The following NOL11 variants were observed in gnomAD, a reference collection of about 807,000 sequenced individuals.
The protein encoded by NOL11 is nucleolar protein 11.
Under a neutral mutation model 93.0 loss-of-function variants are expected in NOL11, and 42 were observed. The ratio of observed to expected loss-of-function variants is 0.45; its 90% CI spans 0.35 to 0.58. The LOEUF is 0.58. NOL11 is among the 20% of genes least tolerant of loss of function. NOL11 has a pLI of 0.00. For synonymous variants in NOL11, 296 were observed against 293.7 expected (o/e 1.01, Z -0.08); for missense variants, 775 against 841.8 (o/e 0.92, Z 0.98).
In NOL11 at chr17:67,734,409, A is replaced by G. The variant is rs779422502; in HGVS notation, c.900A>G (p.Ser300=). Residue 300 remains serine (S), a synonymous_variant, in exon 8 of 18, where the codon TCA becomes TCG. Transcript: ENST00000253247. ...WNIKFQTLQT[S]KELPQGTSGQ... Reference sequence around the variant, plus strand: ...TAAAATTTCAAACACTACAGACTTCAAAAGAGTTACCACAAGGGACCAGTG... The same window carrying G: ...TAAAATTTCAAACACTACAGACTTCGAAAGAGTTACCACAAGGGACCAGTG... 1.2e-6 allele frequency: 2 copies of G among 1,608,102 alleles called. No homozygotes were observed. The highest frequency in any genetic ancestry group is 8.5e-7 in the Non-Finnish European group (1 of 1,174,908).
chr17:67,724,742 C>A (rs2055073162), intron 6 of NOL11, among the ~76,000 whole-genome samples: 1 of 152,198 alleles, frequency 6.6e-6, no homozygotes, highest in South Asian at 2.1e-4. Flanking sequence ...TCTAACATTG[C>A]TTCTTTATAT....
In NOL11 at chr17:67,722,892, A is replaced by G. The variant is rs191756325; in HGVS notation, c.519+255A>G. Among the ~76,000 whole-genome samples, 21 of 150,652 alleles carry G rather than the reference A, an allele frequency of 1.4e-4. 2 individuals carry two copies. The highest frequency in any genetic ancestry group is 1.3e-3 in the Admixed American group (19 of 15,100). On this transcript the variant is annotated intron_variant, in intron 5 of 17. Transcript: ENST00000253247. ...TTTTGTAGAGACAGGGTCTCACTGT[A>G]TTGCTCAGGCTGGTCTCGAACTCCT... is the stretch of plus-strand genomic sequence containing the variant.
chr17:67,721,313 A>G (rs2043216076), intron 3 of NOL11, 65 bp from the exon 4 acceptor site: 2 of 1,031,298 alleles, frequency 1.9e-6, no homozygotes, highest in Non-Finnish European at 1.4e-6. Context: ...AGCCTTCTCT[A>G]AATATCCTTA....
chr17:67,724,247 G>A, intron 6 of NOL11, 54 bp downstream of exon 6: 1 of 1,073,004 alleles, frequency 9.3e-7, no homozygotes, highest in Non-Finnish European at 1.3e-6. Flanking sequence ...ATTGTTATAG[G>A]ATAGTGTATG....
At chr17:67,734,610 C>G (rs938796295) in intron 8 of NOL11, among the ~76,000 whole-genome samples, 171 bp downstream of exon 8, 1 of 152,166 alleles carries the variant, frequency 6.6e-6, no homozygotes, top group Non-Finnish European at 1.5e-5. Context: ...AATAAATATG[C>G]TGTAAGGGAA....
chr17:67,730,173 A>G (rs2055139267), intron 7 of NOL11, among the ~76,000 whole-genome samples: 1 of 152,060 alleles, frequency 6.6e-6, no homozygotes, highest in East Asian at 1.9e-4. Context: ...TATTTTAGCT[A>G]TTTCCACCTT....
In NOL11 at chr17:67,718,043, C is replaced by G. The variant is rs1225970197; in HGVS notation, c.96C>G (p.Asp32Glu). Residue 32 changes from aspartate to glutamate, a missense_variant, in exon 1 of 18, where the codon GAC (aspartate) becomes GAG (glutamate). Physicochemically the swap from Asp to Glu is conservative, Grantham distance 45. Coordinates refer to ENST00000253247, the MANE Select transcript of NOL11 (RefSeq NM_015462.5). ...GCGTGGAGCAGAGCGACAAAACAGA[C>G]CAGTTTCTAGTGACAGACAGCGGCA... ...LLGVEQSDKT[D>E]QFLVTDSGRT... 1 of 1,614,206 alleles carries G rather than the reference C, an allele frequency of 6.2e-7. No individual in the cohort carries two copies. Among genetic ancestry groups the G allele is most frequent in the East Asian group, 2.2e-5 (1 of 44,884 alleles).
chr17:67,727,540 C>G (rs1179326006), intron 7 of NOL11, among the ~76,000 whole-genome samples: 2 of 152,100 alleles, frequency 1.3e-5, no homozygotes. Context: ...GCCTGTAATC[C>G]CAGCTACTCA....
At chr17:67,739,133 C>T (rs943040478) in intron 15 of NOL11, 123 bp downstream of exon 15, 2 of 733,940 alleles carry the variant, frequency 2.7e-6, no homozygotes, top group African/African-American at 3.5e-5. Context: ...AGAGGTTGCC[C>T]AGCTCTAATG....
Position 67,724,091 on chromosome 17 carries a change from A to G in NOL11, c.562A>G (p.Ile188Val), listed in dbSNP as rs1378027848. Reference sequence around the variant, plus strand: ...TTACGTGCAAATGTTTAACTCACGTATCTTAACCAAATATACACTCTTACT... The same window carrying G: ...TTACGTGCAAATGTTTAACTCACGTGTCTTAACCAAATATACACTCTTACT... ...FAYVQMFNSRILTKYTLLLGQ... is the reference protein window; with the variant it reads ...FAYVQMFNSRVLTKYTLLLGQ... Residue 188 changes from isoleucine to valine, a missense_variant, in exon 6 of 18, where the codon ATC (isoleucine) becomes GTC (valine). By Grantham distance (29) the Ile-to-Val change is conservative (BLOSUM62 3). Coordinates refer to ENST00000253247, the MANE Select transcript of NOL11 (RefSeq NM_015462.5). 1 of 1,584,880 alleles carries G rather than the reference A, an allele frequency of 6.3e-7. No individual in the cohort carries two copies. Among genetic ancestry groups the G allele is most frequent in the Admixed American group, 1.9e-5 (1 of 52,904 alleles).
intron 3 of NOL11, among the ~76,000 whole-genome samples, chr17:67,721,016 G>A (rs8078477): frequency 0.03 from 4,567 of 152,254 alleles, 215 homozygotes; most frequent in African/African-American, 0.1. Context: ...AGTTACAATT[G>A]TGGCATTAGT....
At position 67,734,351 on chromosome 17, in the gene NOL11, C is replaced by A; in HGVS notation, c.854-12C>A. On this transcript the variant is annotated splice_polypyrimidine_tract_variant and intron_variant, in intron 7 of 17. Coordinates refer to ENST00000253247, the MANE Select transcript of NOL11 (RefSeq NM_015462.5). ...TTGGGACTTTTTTCTGAATTTATGT[C>A]TTATTTTATAGAATGCCTCTCTGTA... is the stretch of plus-strand genomic sequence containing the variant. The A allele has an allele frequency of 6.6e-7, 1 of 1,519,728 alleles. No homozygotes were observed. The highest frequency in any genetic ancestry group is 9.1e-7 in the Non-Finnish European group (1 of 1,097,724). 94.1% of individuals were successfully genotyped at this position (1,519,728 alleles called of 1,614,324 possible).
chr17:67,743,859 A>C lies in NOL11; in HGVS notation c.2160A>C (p.Ter720CysextTer11), dbSNP rs778277611. Reference sequence around the variant, plus strand: ...CAATTGAAGTGCTGGAGCTCTTCTGATATTATCAATTCTCCTTCATAGACA... The same window carrying C: ...CAATTGAAGTGCTGGAGCTCTTCTGCTATTATCAATTCTCCTTCATAGACA... ...LYSIEVLELF[*>C] The change falls in exon 18 of 18, where the codon TGA becomes TGC. Residue 720 changes from the stop codon to cysteine (C), a stop_lost. Coordinates refer to ENST00000253247, the MANE Select transcript of NOL11 (RefSeq NM_015462.5). 6.9e-6 allele frequency: 9 copies of C among 1,302,942 alleles called. No homozygotes were observed. The highest frequency in any genetic ancestry group is 8.6e-6 in the Non-Finnish European group (8 of 934,318). The allele number at this position is 1,302,942 out of a possible 1,614,324, so 80.7% of individuals were successfully genotyped here.
At chr17:67,741,636 A>C (rs2055257772) in intron 16 of NOL11, among the ~76,000 whole-genome samples, 1 of 151,794 alleles carries the variant, frequency 6.6e-6, no homozygotes. Context: ...CAGTGGTGCG[A>C]TCTTGGCTTA....
Position 67,734,376 on chromosome 17 carries a change from A to G in NOL11, c.867A>G (p.Val289=), listed in dbSNP as rs1473690039. 8.1e-6 allele frequency: 13 copies of G among 1,598,256 alleles called. No individual in the cohort carries two copies. Among genetic ancestry groups the G allele is most frequent in the Non-Finnish European group, 2.6e-6 (3 of 1,165,934 alleles). The part of the protein sequence containing the change: ...PLAASKECLS[V]WNIKFQTLQT... ...CTTATTTTATAGAATGCCTCTCTGTATGGAACATAAAATTTCAAACACTAC... is the reference window on the plus strand; with the variant it reads ...CTTATTTTATAGAATGCCTCTCTGTGTGGAACATAAAATTTCAAACACTAC... The change falls in exon 8 of 18, where the codon GTA becomes GTG. Residue 289 remains valine (V), a synonymous_variant. Transcript: ENST00000253247.
At chr17:67,723,989 A>G (rs974571976) in intron 5 of NOL11, 60 bp from the exon 6 acceptor site, 23 of 1,231,094 alleles carry the variant, frequency 1.9e-5, no homozygotes, top group Middle Eastern at 2.9e-4. Flanking sequence ...TGGTTTTAAC[A>G]TATGTTAAAA....
In NOL11 at chr17:67,738,135, A is replaced by G. The variant is rs1477867309; in HGVS notation, c.1543A>G (p.Ser515Gly). Residue 515 changes from serine (S) to glycine (G), a missense_variant, in exon 14 of 18, where the codon AGT becomes GGT. By Grantham distance (56) the Ser-to-Gly change is moderately conservative. This residue lies in a region of NOL11 where 416 missense variants were observed against 525.2 expected (regional missense o/e 0.79). Transcript: ENST00000253247. ...LKIFLSIGDD[S>G]LQETDVNMES... is the part of the protein sequence containing the mutation. ...CTACCATCATAGCATTGGTGATGAC[A>G]GTCTTCAAGAAACAGATGTTAATAT... is the stretch of plus-strand genomic sequence containing the variant. 1 of 1,608,748 alleles carries G rather than the reference A, an allele frequency of 6.2e-7. No individual in the cohort carries two copies. The highest frequency in any genetic ancestry group is 1.3e-5 in the African/African-American group (1 of 74,926).
chr17:67,734,706 TGAGGCAGGAATATCTTTTGAGCCCAG>T (rs1395069995), intron 8 of NOL11, among the ~76,000 whole-genome samples: 8 of 152,334 alleles, frequency 5.3e-5, no homozygotes, highest in African/African-American at 1.9e-4. Context: ...CTGAGGAGGT[TGAGGCAGGAATATCTTTTGAGCCCAG>T]GAGTTCAAGG....
chr17:67,718,430 G>A (rs944451527), intron 1 of NOL11, among the ~76,000 whole-genome samples: 6 of 152,212 alleles, frequency 3.9e-5, no homozygotes, highest in African/African-American at 1.4e-4. Context: ...CGGGAGGATG[G>A]AACGGAGATT....
Sources: gnomAD v4.1 joint callset for allele counts (sites outside exome capture counted in the v4.1 genomes callset) on GRCh38, gnomAD v4.1.1 for gene constraint, gnomAD v4.1.1 regional missense constraint, MANE v1.5 for transcripts, NCBI Gene and HGNC (gene_info 2026-07-23, HGNC 2026-07-21) for gene names.